The following PRRG1 variants were observed in gnomAD, a reference collection of about 807,000 sequenced individuals.
The protein encoded by PRRG1 is transmembrane gamma-carboxyglutamic acid protein 1.
A neutral mutation model predicts 11.8 loss-of-function variants in PRRG1; 5 were observed. That is an observed-to-expected ratio of 0.42 (90% CI 0.22 to 0.89). PRRG1 has a LOEUF of 0.89. Among genes scored for constraint, PRRG1 ranks in the 40% least tolerant of loss-of-function variants. The pLI, the probability that PRRG1 is intolerant of heterozygous loss-of-function variation, is 0.28. For synonymous variants in PRRG1, 66 were observed against 60.4 expected (o/e 1.09, Z -0.43); for missense variants, 155 against 166.1 (o/e 0.93, Z 0.37).
chrX:37,376,416 G>A (rs1191683041), intron 1 of PRRG1, among the ~76,000 whole-genome samples: 2 of 102,403 alleles, frequency 2.0e-5, no homozygotes, highest in Admixed American at 1.1e-4. Context: ...ATCTAGTTTT[G>A]TTGACTGGGC....
chrX:37,432,381 C>T (rs1239544878), intron 3 of PRRG1, among the ~76,000 whole-genome samples: 2 of 112,007 alleles, frequency 1.8e-5, no homozygotes, highest in South Asian at 3.8e-4. Context: ...CCACTGCACC[C>T]GGACCGTGAA....
intron 1 of PRRG1, among the ~76,000 whole-genome samples, chrX:37,401,682 A>G (rs1397040177): frequency 1.8e-5 from 2 of 111,403 alleles, no homozygotes; most frequent in East Asian, 2.8e-4. Context: ...TTAGGAAAAG[A>G]GGAAGTCAAA....
chrX:37,360,033 C>T (rs184615156), intron 1 of PRRG1, among the ~76,000 whole-genome samples: 3 of 111,077 alleles, frequency 2.7e-5, no homozygotes, highest in African/African-American at 9.8e-5. Flanking sequence ...TTTGTGTCCC[C>T]TCTCTTCTTT....
At position 37,379,031 on chromosome X, in the gene PRRG1, C is replaced by CTTT. The variant is rs56857980; in HGVS notation, c.-41-27153_-41-27151dup. Among the ~76,000 whole-genome samples, 144 of 28,765 alleles carry CTTT rather than the reference C, an allele frequency of 5.0e-3. 13 individuals carry two copies. The highest frequency in any genetic ancestry group is 0.021 in the African/African-American group (130 of 6,249). The allele number at this position is 28,765 out of a possible 115,157, so 25.0% of individuals were successfully genotyped here. On this transcript the variant is annotated intron_variant, in intron 1 of 3. Coordinates refer to ENST00000378628, the MANE Select transcript of PRRG1 (RefSeq NM_001142395.2). ...TATATTGAATTGCGACATCTTTTTG[C>CTTT]TTTTTTTTTTTTTTTTTTTTTTTTT...
intron 2 of PRRG1, among the ~76,000 whole-genome samples, chrX:37,420,307 G>T (rs1183390352): frequency 9.0e-6 from 1 of 111,098 alleles, no homozygotes; most frequent in Non-Finnish European, 1.9e-5. Context: ...CAACCACAAG[G>T]CTCCCCCCAT....
intron 2 of PRRG1, among the ~76,000 whole-genome samples, chrX:37,417,498 T>C (rs1932531240): frequency 8.9e-6 from 1 of 111,968 alleles, no homozygotes; most frequent in South Asian, 3.6e-4. Context: ...AACTTTTAAT[T>C]TTCAGAAATA....
chrX:37,443,871 A>C (rs1210401694), intron 3 of PRRG1, among the ~76,000 whole-genome samples: 2 of 112,399 alleles, frequency 1.8e-5, no homozygotes, highest in East Asian at 5.5e-4. Flanking sequence ...AGATGAAATT[A>C]GTATGTAAAC....
rs189777657 is a variant in PRRG1, at chrX:37,380,790, G to A, written c.-41-25419G>A. 5.4e-5 allele frequency among the ~76,000 whole-genome samples: 6 copies of A among 111,395 alleles called. No individual in the cohort carries two copies. The Admixed American group carries it at 5.7e-4, about 11-fold the overall frequency. ...CCAGTACCATATCCTTTAGTACATT[G>A]TTTCCCGACAGTTAGACTCCAGTAT... On this transcript the variant is annotated intron_variant, in intron 1 of 3. Transcript: ENST00000378628.
intron 1 of PRRG1, among the ~76,000 whole-genome samples, chrX:37,375,894 TAC>T (rs1412568116): frequency 9.0e-6 from 1 of 111,712 alleles, no homozygotes; most frequent in Non-Finnish European, 1.9e-5. Context: ...ACTCTCAAAC[TAC>T]AGTTTATGTT....
intron 1 of PRRG1, among the ~76,000 whole-genome samples, chrX:37,359,120 T>G (rs1243587550): frequency 8.9e-6 from 1 of 111,843 alleles, no homozygotes; most frequent in Non-Finnish European, 1.9e-5. Context: ...GTATACCTTT[T>G]GTTTCCTTTC....
intron 1 of PRRG1, among the ~76,000 whole-genome samples, chrX:37,377,321 A>T (rs1228340587): frequency 8.9e-6 from 1 of 111,772 alleles, no homozygotes; most frequent in Non-Finnish European, 1.9e-5. Context: ...AATAAAGTTC[A>T]TGTTGTAGTT....
chrX:37,405,444 G>A (rs1932157306), intron 1 of PRRG1, among the ~76,000 whole-genome samples: 1 of 111,369 alleles, frequency 9.0e-6, no homozygotes, highest in African/African-American at 3.3e-5. Context: ...TTTCATATTG[G>A]GAACATGACA....
At chrX:37,439,657 A>G (rs563871856) in intron 3 of PRRG1, among the ~76,000 whole-genome samples, 1 of 111,580 alleles carries the variant, frequency 9.0e-6, no homozygotes, top group African/African-American at 3.3e-5. Context: ...TTCTTATGCC[A>G]GTCCTTATTG....
intron 3 of PRRG1, among the ~76,000 whole-genome samples, chrX:37,431,261 C>T (rs1932824819): frequency 8.9e-6 from 1 of 111,994 alleles, no homozygotes; most frequent in African/African-American, 3.2e-5. Flanking sequence ...GGATAAGTCA[C>T]TGGGAGTACA....
intron 1 of PRRG1, among the ~76,000 whole-genome samples, chrX:37,401,435 C>T (rs1365030681): frequency 1.8e-5 from 2 of 111,093 alleles, no homozygotes; most frequent in Non-Finnish European, 3.8e-5. Flanking sequence ...AATTCAACAA[C>T]CCTTCATGCT....
intron 1 of PRRG1, among the ~76,000 whole-genome samples, chrX:37,349,638 G>A (rs1204343709): frequency 9.0e-6 from 1 of 111,403 alleles, no homozygotes; most frequent in African/African-American, 3.3e-5. Context: ...GAAGGAATGG[G>A]GTTTACAGGC....
At chrX:37,396,224 T>C (rs1931707685) in intron 1 of PRRG1, among the ~76,000 whole-genome samples, 1 of 112,674 alleles carries the variant, frequency 8.9e-6, no homozygotes, top group Non-Finnish European at 1.9e-5. Flanking sequence ...CTTACAATTT[T>C]AAAAGCTGTG....
At chrX:37,388,965 G>A (rs1931429346) in intron 1 of PRRG1, among the ~76,000 whole-genome samples, 2 of 112,163 alleles carry the variant, frequency 1.8e-5, no homozygotes, top group South Asian at 3.7e-4. Context: ...AAGCAGCCAG[G>A]CCACATCTTG....
rs1921222842 is a variant in PRRG1, at chrX:37,453,328, T to C, written c.364T>C (p.Phe122Leu). The change falls in exon 4 of 4, where the codon TTC (phenylalanine) becomes CTC (leucine). Residue 122 changes from phenylalanine (F) to leucine (L), a missense_variant. Transcript: ENST00000378628. ...RQTVTEGHIP[F>L]PQHLNIITPP... Reference sequence around the variant, plus strand: ...GACAGTGACTGAAGGCCACATTCCTTTCCCTCAGCACCTTAATATTATCAC... The same window carrying C: ...GACAGTGACTGAAGGCCACATTCCTCTCCCTCAGCACCTTAATATTATCAC... 1 of 1,206,693 alleles carries C rather than the reference T, an allele frequency of 8.3e-7. No homozygotes were observed.
Sources: gnomAD v4.1 joint callset for allele counts (sites outside exome capture counted in the v4.1 genomes callset) on GRCh38, gnomAD v4.1.1 for gene constraint, MANE v1.5 for transcripts, NCBI Gene and HGNC (gene_info 2026-07-23, HGNC 2026-07-21) for gene names.